Variants in ADAMTS3 observed in about 807,000 individuals in gnomAD.
ADAMTS3 encodes the protein A disintegrin and metalloproteinase with thrombospondin motifs 3.
Under a neutral mutation model 129.0 loss-of-function variants are expected in ADAMTS3, and 73 were observed. That is an observed-to-expected ratio of 0.57 (90% confidence interval 0.47 to 0.69). The LOEUF is 0.69. Among genes scored for constraint, ADAMTS3 ranks in the 30% least tolerant of loss-of-function variants. The pLI, the probability that ADAMTS3 is intolerant of heterozygous loss-of-function variation, is 0.00. For synonymous variants in ADAMTS3, 477 were observed against 510.8 expected (o/e 0.93, Z 0.89); for missense variants, 1,457 against 1,514.5 (o/e 0.96, Z 0.63).
At chr4:72,324,538 C>A (rs1719650317) in intron 5 of ADAMTS3, among the ~76,000 whole-genome samples, 1 of 152,136 alleles carries the variant, frequency 6.6e-6, no homozygotes, top group African/African-American at 2.4e-5. Flanking sequence ...TGGAAAAATG[C>A]ATGTATACAC....
intron 3 of ADAMTS3, among the ~76,000 whole-genome samples, chr4:72,546,449 T>TAA (rs34020308): frequency 6.7e-6 from 1 of 149,042 alleles, no homozygotes; most frequent in African/African-American, 2.5e-5. Flanking sequence ...TTACAAATGT[T>TAA]AAAAAAAAAA....
intron 4 of ADAMTS3, among the ~76,000 whole-genome samples, chr4:72,380,644 G>A (rs1235376629): frequency 8.5e-5 from 13 of 152,068 alleles, no homozygotes; most frequent in Admixed American, 8.5e-4. Context: ...CAGCAGCATA[G>A]CTTTGACATT....
In ADAMTS3 at chr4:72,383,429, T is replaced by C. The variant is rs551765715; in HGVS notation, c.661+31386A>G. 5.6e-4 allele frequency among the ~76,000 whole-genome samples: 85 copies of C among 152,318 alleles called. 1 individual carries two copies. The highest frequency in any genetic ancestry group is 2.0e-3 in the African/African-American group (82 of 41,574). Reference sequence around the variant, plus strand: ...ATATGAATGAGAACCAGGATTTTACTGGCATAAAGAACCAAAGTACTGAGT... The same window carrying C: ...ATATGAATGAGAACCAGGATTTTACCGGCATAAAGAACCAAAGTACTGAGT... On this transcript the variant is annotated intron_variant, in intron 4 of 21. Coordinates refer to ENST00000286657, the MANE Select transcript of ADAMTS3 (RefSeq NM_014243.3).
chr4:72,457,076 A>C (rs953909739), intron 3 of ADAMTS3, among the ~76,000 whole-genome samples: 2 of 151,640 alleles, frequency 1.3e-5, no homozygotes, highest in Non-Finnish European at 1.5e-5. Context: ...AATATCTTTT[A>C]GTATTTCTAA....
rs535136693 is a variant in ADAMTS3, at chr4:72,297,935, A to C, written c.2590+342T>G. 1.1e-4 allele frequency among the ~76,000 whole-genome samples: 17 copies of C among 152,276 alleles called. No individual in the cohort carries two copies. In the South Asian group the frequency reaches 3.5e-3, roughly 32 times the overall value. On this transcript the variant is annotated intron_variant, in intron 18 of 21. Coordinates refer to ENST00000286657, the MANE Select transcript of ADAMTS3 (RefSeq NM_014243.3). ...GAAATGCAGAGAGATACAGAAAGCA[A>C]AAGTAGGTAAGAAGAAAGATGAGGA... is the stretch of plus-strand genomic sequence containing the variant.
chr4:72,480,883 A>T (rs2110005676), intron 3 of ADAMTS3, among the ~76,000 whole-genome samples: 1 of 151,994 alleles, frequency 6.6e-6, no homozygotes, highest in South Asian at 2.1e-4. Flanking sequence ...TACAAAATAA[A>T]CCTGCAAAAA....
chr4:72,333,989 G>T (rs1167089821), intron 5 of ADAMTS3, among the ~76,000 whole-genome samples: 1 of 151,310 alleles, frequency 6.6e-6, no homozygotes, highest in Non-Finnish European at 1.5e-5. Flanking sequence ...GAGTAGCTGG[G>T]ACTACAGGCA....
chr4:72,377,706 C>T (rs2109874896), intron 4 of ADAMTS3, among the ~76,000 whole-genome samples: 1 of 152,262 alleles, frequency 6.6e-6, no homozygotes, highest in Non-Finnish European at 1.5e-5. Context: ...GGTCTACAGC[C>T]TTGATGATCT....
rs570728317 is a variant in ADAMTS3 at position 72,345,322 on chromosome 4, C to T, written c.662-5629G>A. ...AGCTAAAAATAAGTGTAAATTCCAA[C>T]AAATGTCATCTATTAACATCAGAAG... is the stretch of plus-strand genomic sequence containing the variant. On this transcript the variant is annotated intron_variant, in intron 4 of 21. Transcript: ENST00000286657. Among the ~76,000 whole-genome samples the T allele has an allele frequency of 2.6e-5, 4 of 152,224 alleles. No homozygotes were observed. In the South Asian group the frequency reaches 8.3e-4, roughly 32 times the overall value.
chr4:72,517,751 T>C (rs1226657983), intron 3 of ADAMTS3, among the ~76,000 whole-genome samples: 12 of 151,830 alleles, frequency 7.9e-5, no homozygotes, highest in South Asian at 2.1e-4. Flanking sequence ...GTCTTGCTAG[T>C]GGTCTATCAA....
chr4:72,384,596 A>T (rs1721387420), intron 4 of ADAMTS3, among the ~76,000 whole-genome samples: 3 of 152,296 alleles, frequency 2.0e-5, no homozygotes, highest in South Asian at 4.1e-4. Context: ...TCAAAAAGGT[A>T]GATCACATAA....
intron 3 of ADAMTS3, among the ~76,000 whole-genome samples, chr4:72,445,313 C>T (rs930371852): frequency 6.6e-6 from 1 of 151,568 alleles, no homozygotes; most frequent in Non-Finnish European, 1.5e-5. Context: ...AAGCATAAAT[C>T]TGAGAGGATA....
chr4:72,314,503 CATT>C (rs1443168052), intron 11 of ADAMTS3, among the ~76,000 whole-genome samples: 1 of 152,140 alleles, frequency 6.6e-6, no homozygotes, highest in East Asian at 1.9e-4. Flanking sequence ...GCTCAAGAGA[CATT>C]AGCCATTTTC....
At chr4:72,516,198 C>G (rs190197120) in intron 3 of ADAMTS3, among the ~76,000 whole-genome samples, 78 of 152,170 alleles carry the variant, frequency 5.1e-4, no homozygotes, top group African/African-American at 1.7e-3. Context: ...TGTTCTATAT[C>G]TCTGTTTTGG....
chr4:72,407,835 TAGTA>T lies in ADAMTS3; in HGVS notation c.661+6976_661+6979del, dbSNP rs527394822. ...TTGTAAAACATTTTTTTCATATACTTAGTAAGGTGCTGAAAGTACAGGAATATGC... is the reference window on the plus strand; with the variant it reads ...TTGTAAAACATTTTTTTCATATACTTAGGTGCTGAAAGTACAGGAATATGC... On this transcript the variant is annotated intron_variant, in intron 4 of 21. Transcript: ENST00000286657. 8.7e-5 allele frequency among the ~76,000 whole-genome samples: 13 copies of T among 149,566 alleles called. No individual in the cohort carries two copies. The South Asian group carries it at 2.4e-3, about 28-fold the overall frequency.
At chr4:72,300,653 G>A (rs985260965) in intron 17 of ADAMTS3, among the ~76,000 whole-genome samples, 3 of 152,038 alleles carry the variant, frequency 2.0e-5, no homozygotes, top group Non-Finnish European at 2.9e-5. Flanking sequence ...ACATTGTGAT[G>A]GTTTAAGAAA....
chr4:72,480,065 G>T (rs573955309), intron 3 of ADAMTS3, among the ~76,000 whole-genome samples: 6 of 152,276 alleles, frequency 3.9e-5, no homozygotes, highest in African/African-American at 1.4e-4. Context: ...GAGAGGATGT[G>T]GAGAAATAGG....
chr4:72,327,524 A>C (rs1301617032), intron 5 of ADAMTS3, among the ~76,000 whole-genome samples: 2 of 152,196 alleles, frequency 1.3e-5, no homozygotes, highest in Non-Finnish European at 2.9e-5. Flanking sequence ...CAAGTGCAAA[A>C]GCTCAACATA....
At chr4:72,564,693 G>A (rs776467698) in intron 2 of ADAMTS3, among the ~76,000 whole-genome samples, 1 of 152,080 alleles carries the variant, frequency 6.6e-6, no homozygotes, top group African/African-American at 2.4e-5. Flanking sequence ...GAGAAGGAAG[G>A]AGGCAATATC....
Sources: allele counts gnomAD v4.1 joint callset (sites outside exome capture counted in the v4.1 genomes callset), GRCh38; gene constraint gnomAD v4.1.1; transcripts MANE v1.5; gene names NCBI Gene and HGNC (gene_info 2026-07-23, HGNC 2026-07-21).